DPEP1: variants seen among roughly 807,000 people sequenced by gnomAD.
DPEP1 encodes the protein dipeptidase 1.
A neutral mutation model predicts 42.3 loss-of-function variants in DPEP1; 50 were observed. That is an observed-to-expected ratio of 1.18 (90% CI 0.94 to 1.50). The LOEUF (loss-of-function observed/expected upper bound fraction) is 1.50, where lower values mean the gene tolerates loss of function less well. DPEP1 is among the 40% of genes most tolerant of loss of function. The pLI is 0.00. For missense variants in DPEP1, 663 were observed against 553.0 expected, an observed-to-expected ratio of 1.20 and a Z score of -1.99; for synonymous variants, 297 against 234.0, an observed-to-expected ratio of 1.27 and a Z score of -2.46.
At chr16:89,634,407 A>G (rs1169206379) in intron 2 of DPEP1, among the ~76,000 whole-genome samples, 1 of 151,954 alleles carries the variant, frequency 6.6e-6, no homozygotes, top group Non-Finnish European at 1.5e-5. Context: ...ATTCCTAACG[A>G]CAGTGGATTC....
At chr16:89,641,228 G>GC (rs950615798), downstream of DPEP1, among the ~76,000 whole-genome samples, 6 of 152,056 alleles carry the variant, frequency 3.9e-5, no homozygotes, top group Admixed American at 2.0e-4. Flanking sequence ...TGCGGGGGGG[G>GC]GTTGACTGAT....
At chr16:89,634,373 C>G (rs2151497187) in intron 2 of DPEP1, among the ~76,000 whole-genome samples, 1 of 152,246 alleles carries the variant, frequency 6.6e-6, no homozygotes, top group South Asian at 2.1e-4. Context: ...AGGCATGAGC[C>G]ACCCTGCCTG....
chr16:89,617,383 G>T (rs1382709433), intron 1 of DPEP1, among the ~76,000 whole-genome samples: 1 of 152,184 alleles, frequency 6.6e-6, no homozygotes, highest in Admixed American at 6.5e-5. Flanking sequence ...CCTCAGCACG[G>T]TGCCTGCATG....
intron 1 of DPEP1, among the ~76,000 whole-genome samples, chr16:89,615,331 G>A (rs1402183907): frequency 1.3e-5 from 2 of 152,204 alleles, no homozygotes; most frequent in African/African-American, 4.8e-5. Context: ...AGCTCCCACT[G>A]GGTACAGAGC....
downstream of DPEP1, among the ~76,000 whole-genome samples, chr16:89,640,872 C>A (rs1288757272): frequency 1.1e-4 from 16 of 152,130 alleles, no homozygotes; most frequent in Admixed American, 9.8e-4. Flanking sequence ...GACGCGGAGA[C>A]CGGTAGTGGC....
At position 89,636,254 on chromosome 16, in the gene DPEP1, C is replaced by A. The variant is rs372806472; in HGVS notation, c.238-10C>A. 2 of 1,602,518 alleles carry A rather than the reference C, an allele frequency of 1.2e-6. No individual in the cohort carries two copies. The highest frequency in any genetic ancestry group is 2.7e-5 in the African/African-American group (2 of 74,808). Reference sequence around the variant, plus strand: ...CTGCATCAGCTCCTGGCACCCCCTGCGGCCCACAGTTCTGGTCCGTGTACA... The same window carrying A: ...CTGCATCAGCTCCTGGCACCCCCTGAGGCCCACAGTTCTGGTCCGTGTACA... On this transcript the variant is annotated splice_polypyrimidine_tract_variant and intron_variant, in intron 3 of 10. Coordinates refer to ENST00000690203, the MANE Select transcript of DPEP1 (RefSeq NM_001389466.1).
chr16:89,615,948 C>A (rs944854304), intron 1 of DPEP1, among the ~76,000 whole-genome samples: 2 of 152,104 alleles, frequency 1.3e-5, no homozygotes, highest in Non-Finnish European at 2.9e-5. Context: ...GCGCAGGGCT[C>A]AGGCGTCCCC....
Position 89,616,873 on chromosome 16 carries a change from A to G in DPEP1, c.-107+3154A>G. On this transcript the variant is annotated intron_variant, in intron 1 of 10. Transcript: ENST00000690203. ...GCCAGGAAGCAGGCAGGAAGTGGGC[A>G]GGAAGCGGCCGGGAAGCAGGCAGAG... The G allele has an allele frequency of 8.2e-6, 2 of 243,578 alleles. 1 individual carries two copies. Among genetic ancestry groups the G allele is most frequent in the Non-Finnish European group, 1.7e-5 (2 of 120,886 alleles). 15.1% of individuals were successfully genotyped at this position (243,578 alleles called of 1,614,324 possible).
In DPEP1 at chr16:89,636,050, G is replaced by C; in HGVS notation, c.237+10G>C. 6.2e-7 allele frequency: 1 copy of C among 1,602,078 alleles called. No individual in the cohort carries two copies. Among genetic ancestry groups the C allele is most frequent in the African/African-American group, 1.3e-5 (1 of 74,930 alleles). On this transcript the variant is annotated intron_variant, in intron 3 of 10. Coordinates refer to ENST00000690203, the MANE Select transcript of DPEP1 (RefSeq NM_001389466.1). ...CTTTGTGGGAGGCCAGGTACCGCCT[G>C]CCCTGCCTTGTGCTTGCCCTGTGTG... is the stretch of plus-strand genomic sequence containing the variant.
chr16:89,630,246 A>T (rs1400966255), intron 1 of DPEP1, 59 bp from the exon 2 acceptor site: 5 of 512,764 alleles, frequency 9.8e-6, no homozygotes, highest in Non-Finnish European at 1.8e-5. Flanking sequence ...GAAGCTATAA[A>T]CAGGAGAGCA....
rs201534583 is a variant in DPEP1 at position 89,636,045 on chromosome 16, C to T, written c.237+5C>T. 374 of 1,604,046 alleles carry T rather than the reference C, an allele frequency of 2.3e-4. No individual in the cohort carries two copies. Among genetic ancestry groups the T allele is most frequent in the Non-Finnish European group, 2.1e-4 (245 of 1,175,642 alleles). On this transcript the variant is annotated splice_donor_5th_base_variant and intron_variant, in intron 3 of 10. Transcript: ENST00000690203. ...GCCGGCTTTGTGGGAGGCCAGGTAC[C>T]GCCTGCCCTGCCTTGTGCTTGCCCT...
chr16:89,635,994 C>T lies in DPEP1; in HGVS notation c.191C>T (p.Thr64Ile). The T allele has an allele frequency of 1.2e-6, 2 of 1,612,304 alleles. No individual in the cohort carries two copies. Among genetic ancestry groups the T allele is most frequent in the Non-Finnish European group, 1.7e-6 (2 of 1,179,752 alleles). The change falls in exon 3 of 11, where the codon ACA (threonine) becomes ATA (isoleucine). Residue 64 changes from threonine to isoleucine, a missense_variant. Thr to Ile is a moderately conservative substitution (Grantham distance 89). Coordinates refer to ENST00000690203, the MANE Select transcript of DPEP1 (RefSeq NM_001389466.1). ...ERANLTTLAG[T>I]HTNIPKLRAG... ...GCCAACCTGACCACCTTGGCCGGCA[C>T]ACACACCAACATCCCCAAGCTGAGG...
Position 89,638,065 on chromosome 16 carries a change from C to G in DPEP1, c.1079C>G (p.Thr360Arg). ...GTCTGTCCCCAGGCCAGCAACCTCA[C>G]ACAGGCTCCCGAGGAGGAGCCCATC... ...FEAVEQASNL[T>R]QAPEEEPIPL... Residue 360 changes from threonine (T) to arginine (R), a missense_variant, in exon 11 of 11, where the codon ACA becomes AGA. Transcript: ENST00000690203. 1 of 1,612,284 alleles carries G rather than the reference C, an allele frequency of 6.2e-7. No individual in the cohort carries two copies. The highest frequency in any genetic ancestry group is 8.5e-7 in the Non-Finnish European group (1 of 1,179,824).
intron 2 of DPEP1, 135 bp from the exon 3 acceptor site, chr16:89,635,773 C>G (rs1271530427): frequency 8.0e-7 from 1 of 1,253,426 alleles, no homozygotes; most frequent in African/African-American, 1.5e-5. Flanking sequence ...ATGTCACCCC[C>G]GCGGCCTAGA....
At chr16:89,615,236 G>C (rs1201357207) in intron 1 of DPEP1, among the ~76,000 whole-genome samples, 1 of 152,234 alleles carries the variant, frequency 6.6e-6, no homozygotes, top group South Asian at 2.1e-4. Flanking sequence ...GGGGACGTAG[G>C]CTGCGGTGGA....
intron 1 of DPEP1, among the ~76,000 whole-genome samples, chr16:89,614,411 G>T (rs564266229): frequency 6.6e-6 from 1 of 152,180 alleles, no homozygotes; most frequent in Non-Finnish European, 1.5e-5. Flanking sequence ...AATTCTCTGC[G>T]CAGTCATCTG....
At chr16:89,623,655 A>G (rs985338994) in intron 1 of DPEP1, among the ~76,000 whole-genome samples, 3 of 152,140 alleles carry the variant, frequency 2.0e-5, no homozygotes, top group East Asian at 3.9e-4. Flanking sequence ...CCAGACGCAC[A>G]ACCCCCAAGA....
chr16:89,630,321 C>A lies in DPEP1; in HGVS notation c.-90C>A. ...TCCTGGCAGGCAGAGTGGCTCCTCA[C>A]AGCCTGAAGCTCATCCTTCTGCACG... On this transcript the variant is annotated 5_prime_UTR_variant, in exon 2 of 11. Coordinates refer to ENST00000690203, the MANE Select transcript of DPEP1 (RefSeq NM_001389466.1). 1 of 1,066,592 alleles carries A rather than the reference C, an allele frequency of 9.4e-7. No homozygotes were observed. The highest frequency in any genetic ancestry group is 1.4e-6 in the Non-Finnish European group (1 of 721,104). The allele number at this position is 1,066,592 out of a possible 1,614,324, so 66.1% of individuals were successfully genotyped here.
Position 89,637,999 on chromosome 16 carries a change from C to G in DPEP1, c.1065+28C>G. On this transcript the variant is annotated intron_variant, in intron 10 of 10. Coordinates refer to ENST00000690203, the MANE Select transcript of DPEP1 (RefSeq NM_001389466.1). The stretch of plus-strand genomic sequence containing the variant: ...GAGGATGGGGTGGCCACCTGAGTCT[C>G]CCCCACCACCACCAGCAGGCAGGCT... The G allele has an allele frequency of 2.5e-6, 4 of 1,607,830 alleles. No individual in the cohort carries two copies. In the South Asian group the frequency reaches 4.4e-5, roughly 18 times the overall value.
Sources: allele counts gnomAD v4.1 joint callset (sites outside exome capture counted in the v4.1 genomes callset), GRCh38; gene constraint gnomAD v4.1.1; transcripts MANE v1.5; gene names NCBI Gene and HGNC (gene_info 2026-07-23, HGNC 2026-07-21).